Variants in REV3L observed in about 807,000 individuals in gnomAD.
The protein encoded by REV3L is DNA polymerase zeta catalytic subunit.
A neutral mutation model predicts 299.4 loss-of-function variants in REV3L; 69 were observed. The ratio of observed to expected loss-of-function variants is 0.23; its 90% CI spans 0.19 to 0.28. The LOEUF (loss-of-function observed/expected upper bound fraction) is 0.28, where lower values mean the gene tolerates loss of function less well. REV3L is among the 10% of genes least tolerant of loss of function. The probability of loss-of-function intolerance (pLI) is 1.00; values close to 1 mark genes in which losing one functional copy is unlikely to be tolerated. For synonymous variants in REV3L, 1,238 were observed against 1,271.4 expected (o/e 0.97, Z 0.56); for missense variants, 3,128 against 3,693.8 (o/e 0.85, Z 3.97).
intron 1 of REV3L, among the ~76,000 whole-genome samples, chr6:111,476,204 G>A (rs561704142): frequency 1.3e-5 from 2 of 152,250 alleles, no homozygotes; most frequent in South Asian, 4.1e-4. Flanking sequence ...CACCCAGGCT[G>A]GAATGCAGTC....
Position 111,333,187 on chromosome 6 carries a change from A to C in REV3L, c.7861T>G (p.Ser2621Ala). 1 of 1,614,112 alleles carries C rather than the reference A, an allele frequency of 6.2e-7. No individual in the cohort carries two copies. Among genetic ancestry groups the C allele is most frequent in the South Asian group, 1.1e-5 (1 of 91,084 alleles). Residue 2621 changes from serine to alanine, a missense_variant, in exon 23 of 32, where the codon TCT (serine) becomes GCT (alanine). By Grantham distance (99) the Ser-to-Ala change is moderately conservative. This residue lies in a region of REV3L where 149 missense variants were observed against 286.4 expected (regional missense o/e 0.52). Coordinates refer to ENST00000368802, the MANE Select transcript of REV3L (RefSeq NM_001372078.1). ...CAGTAGTTATATGCAATCACAATAG[A>C]AGGATAAAGTGATTGGAAATCCAAA... The part of the protein sequence containing the change: ...LVLDFQSLYP[S>A]IVIAYNYCFS...
intron 30 of REV3L, chr6:111,309,107 T>C (rs1343348357): frequency 6.6e-6 from 1 of 152,246 alleles, no homozygotes; most frequent in African/African-American, 2.4e-5. Context: ...CCCCAGTGGG[T>C]GTGTGTTACA....
At position 111,482,964 on chromosome 6, in the gene REV3L, C is replaced by A. The variant is rs1026451723; in HGVS notation, c.-76G>T. 5 of 1,427,188 alleles carry A rather than the reference C, an allele frequency of 3.5e-6. No individual in the cohort carries two copies. The African/African-American group carries it at 7.5e-5, about 22-fold the overall frequency. The allele number at this position is 1,427,188 out of a possible 1,614,324, so 88.4% of individuals were successfully genotyped here. On this transcript the variant is annotated 5_prime_UTR_variant, in exon 1 of 32. Coordinates refer to ENST00000368802, the MANE Select transcript of REV3L (RefSeq NM_001372078.1). ...GCAGCAGCGGCGGCGGCTCCCTCCG[C>A]AGCGGCGGCGGCGCCCCCTCCCCTT...
rs57907202 is a variant in REV3L at position 111,304,613 on chromosome 6, CTTTTTTT to C, written c.9252+2741_9252+2747del. Among the ~76,000 whole-genome samples the C allele has an allele frequency of 1.6e-4, 19 of 116,620 alleles. No individual in the cohort carries two copies. In the South Asian group the frequency reaches 2.9e-3, roughly 18 times the overall value. 76.5% of individuals were successfully genotyped at this position (116,620 alleles called of 152,430 possible). ...TTATTTATAAATAGCATCGCTTTTT[CTTTTTTT>C]TTTTTTTTTCGATCCAAGGGTATAC... On this transcript the variant is annotated intron_variant, in intron 31 of 31. Transcript: ENST00000368802.
upstream of REV3L, chr6:111,483,237 G>T (rs1437108428): frequency 4.2e-6 from 2 of 475,918 alleles, no homozygotes; most frequent in Non-Finnish European, 7.3e-6. Flanking sequence ...CCACTGGGGG[G>T]AGGGGAGAGG....
Position 111,430,482 on chromosome 6 carries a change from G to A in REV3L, c.140-14010C>T, listed in dbSNP as rs560840841. On this transcript the variant is annotated intron_variant, in intron 1 of 31. Transcript: ENST00000368802. ...TAAACCAGAGACCATTTATTATAAAGCTGCAAAGAAGCGGTTGCACTCGGG... is the reference window on the plus strand; with the variant it reads ...TAAACCAGAGACCATTTATTATAAAACTGCAAAGAAGCGGTTGCACTCGGG... The A allele has an allele frequency of 4.3e-5, 66 of 1,547,416 alleles. No homozygotes were observed. The Admixed American group carries it at 6.5e-4, about 15-fold the overall frequency.
rs577138077 is a variant in REV3L at position 111,480,913 on chromosome 6, T to C, written c.139+1837A>G. Among the ~76,000 whole-genome samples, 6 of 151,224 alleles carry C rather than the reference T, an allele frequency of 4.0e-5. No individual in the cohort carries two copies. In the East Asian group the frequency reaches 9.7e-4, roughly 24 times the overall value. On this transcript the variant is annotated intron_variant, in intron 1 of 31. Coordinates refer to ENST00000368802, the MANE Select transcript of REV3L (RefSeq NM_001372078.1). ...GAAGGATTAAATAGGAAATAGTTAA[T>C]GTGTCTTTTAAAAAATATTCAGGAA...
chr6:111,396,581 C>G (rs922070490), intron 4 of REV3L, among the ~76,000 whole-genome samples: 1 of 152,056 alleles, frequency 6.6e-6, no homozygotes, highest in African/African-American at 2.4e-5. Context: ...GTTTTTCTTT[C>G]TAAGTATGGC....
intron 4 of REV3L, among the ~76,000 whole-genome samples, chr6:111,405,171 A>C (rs575982710): frequency 4.4e-4 from 67 of 152,290 alleles, no homozygotes; most frequent in African/African-American, 1.5e-3. Flanking sequence ...TCACTTTTGC[A>C]GTGGTCTAGA....
At chr6:111,322,739 T>G (rs1366855304) in intron 25 of REV3L, 61 bp from the exon 26 acceptor site, 1 of 1,149,316 alleles carries the variant, frequency 8.7e-7, no homozygotes, top group Admixed American at 1.9e-5. Flanking sequence ...GTTAACAGAC[T>G]TTAACATATA....
intron 1 of REV3L, among the ~76,000 whole-genome samples, chr6:111,433,888 T>C (rs1009495694): frequency 2.6e-5 from 4 of 152,158 alleles, no homozygotes; most frequent in Non-Finnish European, 4.4e-5. Context: ...GGGATGCAGA[T>C]TGTTCAACAT....
At chr6:111,422,492 T>C (rs1785473898) in intron 1 of REV3L, among the ~76,000 whole-genome samples, 1 of 149,674 alleles carries the variant, frequency 6.7e-6, no homozygotes, top group East Asian at 2.0e-4. Flanking sequence ...CAGATGAAAA[T>C]CAGTTATAAA....
chr6:111,355,706 A>G (rs1778016658), intron 18 of REV3L, among the ~76,000 whole-genome samples: 1 of 152,164 alleles, frequency 6.6e-6, no homozygotes, highest in African/African-American at 2.4e-5. Flanking sequence ...GCCCAGGGAC[A>G]TTACTGGACA....
intron 18 of REV3L, among the ~76,000 whole-genome samples, chr6:111,353,366 A>C (rs566175619): frequency 8.5e-4 from 129 of 152,312 alleles, no homozygotes; most frequent in African/African-American, 3.0e-3. Flanking sequence ...TGTCACAATA[A>C]ATGTTTTCTG....
chr6:111,464,116 T>TA (rs1791126938), intron 1 of REV3L, among the ~76,000 whole-genome samples: 1 of 151,334 alleles, frequency 6.6e-6, no homozygotes, highest in Non-Finnish European at 1.5e-5. Context: ...TAACAAAAAT[T>TA]TAAAAAAAAA....
Position 111,373,068 on chromosome 6 carries a change from A to G in REV3L, c.5287T>C (p.Cys1763Arg). 6.2e-7 allele frequency: 1 copy of G among 1,614,184 alleles called. No homozygotes were observed. The highest frequency in any genetic ancestry group is 1.1e-5 in the South Asian group (1 of 91,084). Reference protein sequence around the residue: ...TRSNSIMDSFCVQQAEDCLSE... With the variant: ...TRSNSIMDSFRVQQAEDCLSE... ...AGACAGTCTTCTGCCTGCTGAACACAGAAAGAATCCATTATTGAGTTAGAC... is the reference window on the plus strand; with the variant it reads ...AGACAGTCTTCTGCCTGCTGAACACGGAAAGAATCCATTATTGAGTTAGAC... Residue 1763 changes from cysteine to arginine, a missense_variant, in exon 13 of 32, where the codon TGT (cysteine) becomes CGT (arginine). By Grantham distance (180) the Cys-to-Arg change is radical. Around this residue, in one of 9 missense-constraint regions of REV3L, gnomAD observed 2,409 missense variants for 2,611.8 expected, o/e 0.92. Coordinates refer to ENST00000368802, the MANE Select transcript of REV3L (RefSeq NM_001372078.1).
chr6:111,309,662 G>A (rs1772739244), intron 30 of REV3L, 191 bp downstream of exon 30: 12 of 515,512 alleles, frequency 2.3e-5, no homozygotes, highest in Non-Finnish European at 3.9e-5. Flanking sequence ...CTGTGGGGGT[G>A]GAGCCCTAGC....
intron 20 of REV3L, among the ~76,000 whole-genome samples, chr6:111,346,637 C>T (rs933166715): frequency 1.3e-5 from 2 of 152,296 alleles, no homozygotes; most frequent in Admixed American, 1.3e-4. Flanking sequence ...GTGTGTGCCA[C>T]TGTACCCAGT....
chr6:111,473,254 T>G (rs912156191), intron 1 of REV3L, among the ~76,000 whole-genome samples: 1 of 149,054 alleles, frequency 6.7e-6, no homozygotes, highest in Non-Finnish European at 1.5e-5. Flanking sequence ...AGAGACGGGG[T>G]CTTGCCATGT....
Sources: allele counts gnomAD v4.1 joint callset (sites outside exome capture counted in the v4.1 genomes callset), GRCh38; gene constraint gnomAD v4.1.1; regional missense constraint gnomAD v4.1.1; transcripts MANE v1.5; gene names NCBI Gene and HGNC (gene_info 2026-07-23, HGNC 2026-07-21).